WDR59: variants seen among roughly 807,000 people sequenced by gnomAD.
WDR59 encodes GATOR2 complex protein WDR59.
A neutral mutation model predicts 131.2 loss-of-function variants in WDR59; 100 were observed. That is an observed-to-expected ratio of 0.76 (90% CI 0.65 to 0.90). The LOEUF (loss-of-function observed/expected upper bound fraction) is 0.90. WDR59 is among the 40% of genes least tolerant of loss of function. WDR59 has a pLI of 0.00. For missense variants in WDR59, 1,203 were observed against 1,262.2 expected (o/e 0.95, Z 0.71); for synonymous variants, 601 against 466.2 (o/e 1.29, Z -3.72).
chr16:74,966,752 C>G (rs557121433), intron 1 of WDR59, among the ~76,000 whole-genome samples: 4 of 152,310 alleles, frequency 2.6e-5, no homozygotes, highest in African/African-American at 9.6e-5. Context: ...ATCCCCAGGT[C>G]ACATTCGCTC....
chr16:74,977,324 G>C (rs1442108983), intron 1 of WDR59, among the ~76,000 whole-genome samples: 3 of 152,008 alleles, frequency 2.0e-5, no homozygotes, highest in African/African-American at 7.2e-5. Context: ...TGGGAGAATG[G>C]ATTTACAATA....
intron 13 of WDR59, 36 bp downstream of exon 13, chr16:74,915,834 C>A: frequency 6.2e-7 from 1 of 1,613,370 alleles, no homozygotes; most frequent in South Asian, 1.1e-5. Context: ...AAACTGCCAT[C>A]AGCAAACATG....
At chr16:74,943,370 C>G (rs2032376849) in intron 6 of WDR59, among the ~76,000 whole-genome samples, 1 of 152,106 alleles carries the variant, frequency 6.6e-6, no homozygotes, top group African/African-American at 2.4e-5. Context: ...CACCCCACTC[C>G]CCATCAGCTA....
chr16:74,902,501 G>C (rs1196030154), intron 18 of WDR59, among the ~76,000 whole-genome samples: 5 of 152,092 alleles, frequency 3.3e-5, no homozygotes, highest in Non-Finnish European at 7.3e-5. Context: ...CTTGGAACTG[G>C]AGTTATTTTG....
At chr16:74,952,719 T>C (rs1240400186) in intron 3 of WDR59, among the ~76,000 whole-genome samples, 3 of 151,250 alleles carry the variant, frequency 2.0e-5, no homozygotes, top group Non-Finnish European at 4.4e-5. Context: ...GTGATAAAGA[T>C]TACTAGTAGG....
intron 13 of WDR59, among the ~76,000 whole-genome samples, chr16:74,912,590 A>C (rs1018537804): frequency 6.6e-6 from 1 of 152,222 alleles, no homozygotes; most frequent in African/African-American, 2.4e-5. Flanking sequence ...TGCTGAGACC[A>C]GCTCGGTCGG....
At chr16:74,885,448 CAAAAAAAAAAAA>C (rs397855343) in intron 25 of WDR59, among the ~76,000 whole-genome samples, 193 bp downstream of exon 25, 49 of 62,386 alleles carry the variant, frequency 7.9e-4, no homozygotes, top group African/African-American at 2.8e-3. Context: ...GATTCCATCT[CAAAAAAAAAAAA>C]AAAAAAAAAA....
Position 74,882,362 on chromosome 16 carries a change from G to A in WDR59, c.2689+3291C>T, listed in dbSNP as rs76185629. 1.8e-3 allele frequency among the ~76,000 whole-genome samples: 278 copies of A among 152,146 alleles called. 2 individuals are homozygous for A. The highest frequency in any genetic ancestry group is 6.3e-3 in the African/African-American group (261 of 41,488). On this transcript the variant is annotated intron_variant, in intron 25 of 25. Transcript: ENST00000262144. ...TGTGCCTTTACATTTCTTCAAGTAC[G>A]TATACCAACATAATCCCTATTAAAA...
chr16:74,943,127 C>T (rs996247721), intron 6 of WDR59, among the ~76,000 whole-genome samples: 2 of 152,160 alleles, frequency 1.3e-5, no homozygotes, highest in Non-Finnish European at 2.9e-5. Context: ...AGTAGTTGAG[C>T]ATGGCACTGC....
chr16:74,887,584 A>G, intron 23 of WDR59, 99 bp downstream of exon 23: 1 of 1,158,034 alleles, frequency 8.6e-7, no homozygotes, highest in Non-Finnish European at 1.2e-6. Flanking sequence ...AATAAGAAAT[A>G]AGAAAAAATA....
chr16:74,879,422 CTG>C (rs1964376261), intron 25 of WDR59, among the ~76,000 whole-genome samples: 1 of 152,118 alleles, frequency 6.6e-6, no homozygotes, highest in Admixed American at 6.5e-5. Flanking sequence ...ACTTGTCAGA[CTG>C]TGGAATGGAT....
intron 2 of WDR59, among the ~76,000 whole-genome samples, chr16:74,958,298 A>C (rs998037416): frequency 4.6e-4 from 70 of 151,982 alleles, no homozygotes; most frequent in African/African-American, 1.6e-3. Flanking sequence ...GATCTAAAGA[A>C]AGCTAAATAG....
rs1356025915 is a variant in WDR59, at chr16:74,912,222, G to A, written c.1365C>T (p.Ser455=). ...CCTTCAGCAGCTTAGCTTTCATGGTGGATGTGATGGTTGTGGGGTTAATAA... is the reference window on the plus strand; with the variant it reads ...CCTTCAGCAGCTTAGCTTTCATGGTAGATGTGATGGTTGTGGGGTTAATAA... ...FQFINPTTIT[S]TMKAKLLKIL... The change falls in exon 14 of 26, where the codon TCC becomes TCT. Residue 455 remains serine (S), a synonymous_variant. Transcript: ENST00000262144. The A allele has an allele frequency of 6.2e-7, 1 of 1,614,046 alleles. No individual in the cohort carries two copies. Among genetic ancestry groups the A allele is most frequent in the African/African-American group, 1.3e-5 (1 of 74,906 alleles).
chr16:74,956,425 C>A, intron 3 of WDR59, 50 bp downstream of exon 3: 1 of 1,595,826 alleles, frequency 6.3e-7, no homozygotes, highest in South Asian at 1.1e-5. Context: ...TCTGCCAGCC[C>A]CAGATGACAC....
intron 11 of WDR59, among the ~76,000 whole-genome samples, chr16:74,917,351 A>T (rs1259501211): frequency 6.6e-6 from 1 of 152,228 alleles, no homozygotes; most frequent in East Asian, 1.9e-4. Flanking sequence ...CACAGGGCAC[A>T]TACTCAGGGA....
intron 1 of WDR59, among the ~76,000 whole-genome samples, chr16:74,984,091 A>G (rs1468372339): frequency 2.6e-5 from 4 of 152,060 alleles, no homozygotes; most frequent in Admixed American, 2.6e-4. Context: ...AGCCTGACCA[A>G]CAAGGTGAAA....
Position 74,883,102 on chromosome 16 carries a change from G to T in WDR59, c.2689+2551C>A, listed in dbSNP as rs571775725. Reference sequence around the variant, plus strand: ...TGCAGTGGCACAATCTCGGCTCACCGCAACCTCCGCCTCCCGAGCTCAAGT... The same window carrying T: ...TGCAGTGGCACAATCTCGGCTCACCTCAACCTCCGCCTCCCGAGCTCAAGT... On this transcript the variant is annotated intron_variant, in intron 25 of 25. Coordinates refer to ENST00000262144, the MANE Select transcript of WDR59 (RefSeq NM_030581.4). 1.1e-4 allele frequency among the ~76,000 whole-genome samples: 14 copies of T among 128,476 alleles called. No homozygotes were observed. In the East Asian group the frequency reaches 3.8e-3, roughly 35 times the overall value. 84.3% of individuals were successfully genotyped at this position (128,476 alleles called of 152,430 possible). A position where few individuals can be genotyped will look rare whatever the true frequency, so the allele number is the denominator to read the frequency against.
intron 21 of WDR59, 115 bp downstream of exon 21, chr16:74,889,588 C>T (rs1394437453): frequency 9.4e-6 from 7 of 746,824 alleles, no homozygotes; most frequent in Non-Finnish European, 1.3e-5. Context: ...GATCCTACTC[C>T]TTCCTTTCAT....
At chr16:74,900,167 G>A (rs1810433428) in intron 18 of WDR59, among the ~76,000 whole-genome samples, 1 of 152,148 alleles carries the variant, frequency 6.6e-6, no homozygotes, top group Non-Finnish European at 1.5e-5. Context: ...TATATTGAGA[G>A]CACATACTCA....
Sources: gnomAD v4.1 joint callset for allele counts (sites outside exome capture counted in the v4.1 genomes callset) on GRCh38, gnomAD v4.1.1 for gene constraint, MANE v1.5 for transcripts, NCBI Gene and HGNC (gene_info 2026-07-23, HGNC 2026-07-21) for gene names.